The following ANAPC10 variants were observed in gnomAD, a reference collection of about 807,000 sequenced individuals.
The protein encoded by ANAPC10 is anaphase promoting complex subunit 10.
In ANAPC10, 12 loss-of-function variants were observed where a neutral mutation model predicts 22.0. The ratio of observed to expected loss-of-function variants is 0.55; its 90% CI spans 0.35 to 0.88. The LOEUF is 0.88. ANAPC10 is among the 40% of genes least tolerant of loss of function. The probability of loss-of-function intolerance (pLI) is 0.01; values close to 1 mark genes in which losing one functional copy is unlikely to be tolerated. For missense variants in ANAPC10, 188 were observed against 220.9 expected (o/e 0.85, Z 0.94); for synonymous variants, 65 against 69.5 (o/e 0.94, Z 0.32).
intron 4 of ANAPC10, among the ~76,000 whole-genome samples, chr4:145,027,251 G>A (rs892049804): frequency 6.0e-5 from 9 of 151,094 alleles, no homozygotes; most frequent in Admixed American, 1.3e-4. Context: ...TGATCTGCCC[G>A]CCTCAGCCTC....
intron 2 of ANAPC10, among the ~76,000 whole-genome samples, chr4:145,081,973 G>T (rs377339394): frequency 6.6e-6 from 1 of 152,036 alleles, no homozygotes; most frequent in Admixed American, 6.6e-5. Flanking sequence ...GCCTCCCAAA[G>T]TGCAGTGATT....
chr4:145,034,621 G>A (rs983200908), intron 4 of ANAPC10, among the ~76,000 whole-genome samples: 12 of 147,484 alleles, frequency 8.1e-5, no homozygotes, highest in Non-Finnish European at 1.8e-4. Flanking sequence ...ACAAGGATAT[G>A]TATTATATAT....
At chr4:145,077,933 G>A (rs1745421251) in intron 3 of ANAPC10, among the ~76,000 whole-genome samples, 1 of 152,016 alleles carries the variant, frequency 6.6e-6, no homozygotes, top group Admixed American at 6.6e-5. Context: ...GCAAAAACTG[G>A]AAGGAAGCAT....
intron 4 of ANAPC10, among the ~76,000 whole-genome samples, chr4:145,025,335 C>T (rs916297335): frequency 7.3e-5 from 9 of 122,562 alleles, no homozygotes; most frequent in African/African-American, 2.3e-4. Context: ...TCAACACGCC[C>T]CCCCCCCCTT....
chr4:145,073,795 C>A (rs1004325859), intron 3 of ANAPC10, among the ~76,000 whole-genome samples: 1 of 151,656 alleles, frequency 6.6e-6, no homozygotes, highest in Admixed American at 6.6e-5. Context: ...AATTTCTTTG[C>A]GACACAGAAA....
chr4:145,016,282 C>A (rs1346308972), intron 4 of ANAPC10, among the ~76,000 whole-genome samples: 1 of 152,160 alleles, frequency 6.6e-6, no homozygotes, highest in African/African-American at 2.4e-5. Context: ...TCTCAGGATA[C>A]AAAATCAATG....
chr4:145,001,231 GGAGGGAGT>G (rs1205244447), intron 4 of ANAPC10, among the ~76,000 whole-genome samples: 4 of 134,596 alleles, frequency 3.0e-5, no homozygotes, highest in African/African-American at 5.7e-5. Context: ...AGGGAGGGAA[GGAGGGAGT>G]GAGGGAGGGA....
At chr4:145,054,008 A>C (rs1741523317) in intron 4 of ANAPC10, among the ~76,000 whole-genome samples, 1 of 151,648 alleles carries the variant, frequency 6.6e-6, no homozygotes, top group South Asian at 2.1e-4. Context: ...TCCCAGGTTC[A>C]AGCGATTCTC....
chr4:145,053,916 G>GT, intron 4 of ANAPC10: 1 of 435,820 alleles, frequency 2.3e-6, no homozygotes. Flanking sequence ...GTGTGTGTGT[G>GT]TGTTTTTTTT....
intron 4 of ANAPC10, among the ~76,000 whole-genome samples, chr4:145,034,627 T>C (rs1180338241): frequency 1.3e-5 from 2 of 150,356 alleles, no homozygotes; most frequent in Admixed American, 6.7e-5. Flanking sequence ...ATATGTATTA[T>C]ATATAATATC....
intron 2 of ANAPC10, among the ~76,000 whole-genome samples, chr4:145,082,800 AAAATGCAGACTTTTT>A (rs1746267604): frequency 6.6e-6 from 1 of 152,220 alleles, no homozygotes; most frequent in Admixed American, 6.5e-5. Context: ...ATTTAATGGT[AAAATGCAGACTTTTT>A]AATAAGAGAA....
chr4:145,011,419 G>A (rs1218844196), intron 4 of ANAPC10, among the ~76,000 whole-genome samples: 1 of 147,282 alleles, frequency 6.8e-6, no homozygotes, highest in African/African-American at 2.4e-5. Context: ...TTTGTGGCAA[G>A]CCAATGCCCC....
At chr4:145,066,281 G>C (rs1047357283) in intron 3 of ANAPC10, among the ~76,000 whole-genome samples, 2 of 152,100 alleles carry the variant, frequency 1.3e-5, no homozygotes, top group African/African-American at 4.8e-5. Flanking sequence ...ACAGGATAAA[G>C]ACCATTATTA....
At chr4:145,050,950 G>A (rs1019636634) in intron 4 of ANAPC10, among the ~76,000 whole-genome samples, 4 of 152,300 alleles carry the variant, frequency 2.6e-5, no homozygotes, top group Middle Eastern at 3.4e-3. Flanking sequence ...AGAGTAGCAC[G>A]TTTAATTTCC....
At chr4:145,051,190 T>C (rs1206938446) in intron 4 of ANAPC10, among the ~76,000 whole-genome samples, 1 of 152,136 alleles carries the variant, frequency 6.6e-6, no homozygotes, top group African/African-American at 2.4e-5. Flanking sequence ...TTAACTGGCC[T>C]AATTTCAATA....
At chr4:145,084,476 C>G (rs1393836441) in intron 2 of ANAPC10, among the ~76,000 whole-genome samples, 1 of 152,122 alleles carries the variant, frequency 6.6e-6, no homozygotes, top group African/African-American at 2.4e-5. Flanking sequence ...CCAGATCACA[C>G]AGACCAGGGG....
intron 4 of ANAPC10, among the ~76,000 whole-genome samples, chr4:145,031,297 G>T (rs1306308223): frequency 6.6e-6 from 1 of 152,178 alleles, no homozygotes; most frequent in East Asian, 1.9e-4. Context: ...AAATACACTG[G>T]ACTTATTGGT....
chr4:145,073,832 TATA>T (rs1171929890), intron 3 of ANAPC10, among the ~76,000 whole-genome samples: 5 of 152,078 alleles, frequency 3.3e-5, no homozygotes, highest in Non-Finnish European at 5.9e-5. Flanking sequence ...AAAAATGTTG[TATA>T]ATGTTATTAC....
chr4:145,069,207 G>C (rs942248757), intron 3 of ANAPC10, among the ~76,000 whole-genome samples: 6 of 152,126 alleles, frequency 3.9e-5, no homozygotes, highest in African/African-American at 1.4e-4. Flanking sequence ...TCTAGGTCCT[G>C]AGAGAAAGAA....
Sources: gnomAD v4.1 joint callset for allele counts (sites outside exome capture counted in the v4.1 genomes callset) on GRCh38, gnomAD v4.1.1 for gene constraint, MANE v1.5 for transcripts, NCBI Gene and HGNC (gene_info 2026-07-23, HGNC 2026-07-21) for gene names.